Variants in TAFA2 observed in about 807,000 individuals in gnomAD.
TAFA2 encodes the protein chemokine-like protein TAFA-2.
Under a neutral mutation model 18.8 loss-of-function variants are expected in TAFA2, and 7 were observed. The ratio of observed to expected loss-of-function variants is 0.37; its 90% CI spans 0.21 to 0.70. The LOEUF (loss-of-function observed/expected upper bound fraction) is 0.70. TAFA2 is among the 30% of genes least tolerant of loss of function. The pLI is 0.53. For synonymous variants in TAFA2, 60 were observed against 54.2 expected (o/e 1.11, Z -0.47); for missense variants, 122 against 158.1 (o/e 0.77, Z 1.23).
intron 1 of TAFA2, among the ~76,000 whole-genome samples, chr12:62,157,770 T>G (rs2062381172): frequency 6.6e-6 from 1 of 152,268 alleles, no homozygotes; most frequent in Middle Eastern, 3.4e-3. Flanking sequence ...TCACCCTCCA[T>G]CCCCCTGCTT....
At chr12:61,812,597 T>C (rs1426898435) in intron 2 of TAFA2, among the ~76,000 whole-genome samples, 1 of 145,914 alleles carries the variant, frequency 6.9e-6, no homozygotes, top group Non-Finnish European at 1.5e-5. Flanking sequence ...GGACACAGAG[T>C]CTCACTCTGT....
chr12:62,053,317 A>G (rs1006677041), intron 1 of TAFA2, among the ~76,000 whole-genome samples: 1 of 152,180 alleles, frequency 6.6e-6, no homozygotes, highest in Non-Finnish European at 1.5e-5. Context: ...CTCTAAATAC[A>G]TATATTTAAT....
At chr12:62,232,239 C>T (rs2062814710) in intron 1 of TAFA2, among the ~76,000 whole-genome samples, 1 of 152,114 alleles carries the variant, frequency 6.6e-6, no homozygotes, top group Admixed American at 6.5e-5. Flanking sequence ...TGTCACTTTC[C>T]TACTTCTCCT....
At chr12:61,902,805 T>G (rs1191601300) in intron 1 of TAFA2, among the ~76,000 whole-genome samples, 1 of 152,162 alleles carries the variant, frequency 6.6e-6, no homozygotes, top group Non-Finnish European at 1.5e-5. Context: ...ATCTCAAACC[T>G]AACATATCCT....
intron 1 of TAFA2, among the ~76,000 whole-genome samples, chr12:62,251,738 C>G (rs2062914846): frequency 6.6e-6 from 1 of 152,184 alleles, no homozygotes. Flanking sequence ...GAAGCCAAGT[C>G]TTTAAAACCC....
At chr12:62,175,875 T>C (rs2062509250) in intron 1 of TAFA2, among the ~76,000 whole-genome samples, 1 of 21,024 alleles carries the variant, frequency 4.8e-5, no homozygotes, top group Non-Finnish European at 1.1e-4. Context: ...ATTATATATA[T>C]ATATATATTA....
chr12:61,717,762 A>G (rs2120574208), intron 4 of TAFA2, among the ~76,000 whole-genome samples: 1 of 152,298 alleles, frequency 6.6e-6, no homozygotes, highest in South Asian at 2.1e-4. Context: ...GAAACAGAAT[A>G]CCAGATATGC....
chr12:62,140,721 C>T (rs991340166), intron 1 of TAFA2, among the ~76,000 whole-genome samples: 4 of 152,156 alleles, frequency 2.6e-5, no homozygotes, highest in African/African-American at 9.7e-5. Context: ...TTCAGCCAGC[C>T]TAGGGTGGTG....
intron 1 of TAFA2, chr12:62,235,179 T>G: frequency 1.5e-6 from 1 of 666,818 alleles, no homozygotes; most frequent in African/African-American, 1.8e-5. Context: ...TCCCTGACAG[T>G]AAATCATCCG....
intron 2 of TAFA2, among the ~76,000 whole-genome samples, chr12:61,821,636 G>C (rs1024502665): frequency 6.6e-6 from 1 of 152,044 alleles, no homozygotes; most frequent in East Asian, 1.9e-4. Context: ...ACATGAATTT[G>C]CAAGTAAGAA....
At position 61,935,750 on chromosome 12, in the gene TAFA2, G is replaced by A. The variant is rs117014572; in HGVS notation, c.-1-68324C>T. ...ACACAAACAAATTAGAAAATCTAAA[G>A]GAAATAGATAAATTTCTGGAAACAC... On this transcript the variant is annotated intron_variant, in intron 1 of 4. Transcript: ENST00000416284. Among the ~76,000 whole-genome samples, 49 of 151,830 alleles carry A rather than the reference G, an allele frequency of 3.2e-4. No individual in the cohort carries two copies. In the East Asian group the frequency reaches 8.9e-3, roughly 28 times the overall value.
chr12:62,125,031 C>T (rs1348487203), intron 1 of TAFA2, among the ~76,000 whole-genome samples: 1 of 152,138 alleles, frequency 6.6e-6, no homozygotes, highest in Non-Finnish European at 1.5e-5. Flanking sequence ...ACCAAGTCAA[C>T]TCTTCTAAGC....
At chr12:61,788,732 A>G (rs994737430) in intron 2 of TAFA2, among the ~76,000 whole-genome samples, 2 of 151,824 alleles carry the variant, frequency 1.3e-5, no homozygotes, top group African/African-American at 4.8e-5. Flanking sequence ...ACTGAAATAT[A>G]AAGGATCATG....
chr12:62,259,396 T>C (rs534975863), upstream of TAFA2: 2 of 152,338 alleles, frequency 1.3e-5, no homozygotes, highest in African/African-American at 2.4e-5. Context: ...AGTTTACATT[T>C]TAGTTCAGGC....
chr12:61,975,266 G>A (rs1879388943), intron 1 of TAFA2, among the ~76,000 whole-genome samples: 1 of 151,566 alleles, frequency 6.6e-6, no homozygotes, highest in Non-Finnish European at 1.5e-5. Context: ...AGATATAACT[G>A]CAACTTTGTA....
intron 1 of TAFA2, among the ~76,000 whole-genome samples, chr12:62,066,980 T>G (rs1882506584): frequency 6.6e-6 from 1 of 152,110 alleles, no homozygotes; most frequent in Non-Finnish European, 1.5e-5. Context: ...CATTTGTTAT[T>G]GCTTGTCTTT....
intron 1 of TAFA2, among the ~76,000 whole-genome samples, chr12:62,128,045 A>C (rs1163482209): frequency 2.6e-5 from 4 of 152,048 alleles, no homozygotes; most frequent in Non-Finnish European, 5.9e-5. Flanking sequence ...GGTAGGGAAT[A>C]AGAAGCAAGC....
chr12:62,048,830 C>A (rs145464128), intron 1 of TAFA2, among the ~76,000 whole-genome samples: 1 of 152,066 alleles, frequency 6.6e-6, no homozygotes, highest in African/African-American at 2.4e-5. Context: ...AATGACAGCA[C>A]GACCAGCAGT....
At chr12:62,146,445 C>T (rs1323137759) in intron 1 of TAFA2, among the ~76,000 whole-genome samples, 1 of 151,980 alleles carries the variant, frequency 6.6e-6, no homozygotes, top group Non-Finnish European at 1.5e-5. Context: ...CCACAACCAG[C>T]TAATGTTTTG....
Sources: gnomAD v4.1 joint callset for allele counts (sites outside exome capture counted in the v4.1 genomes callset) on GRCh38, gnomAD v4.1.1 for gene constraint, MANE v1.5 for transcripts, NCBI Gene and HGNC (gene_info 2026-07-23, HGNC 2026-07-21) for gene names.